The following GLIS2 variants were observed in gnomAD, a reference collection of about 807,000 sequenced individuals.
GLIS2 encodes GLIS family zinc finger 2.
A neutral mutation model predicts 35.6 loss-of-function variants in GLIS2; 14 were observed. That is an observed-to-expected ratio of 0.39 (90% CI 0.26 to 0.61). The LOEUF is 0.61. Among genes scored for constraint, GLIS2 ranks in the 20% least tolerant of loss-of-function variants. GLIS2 has a pLI of 0.48. For missense variants in GLIS2, 675 were observed against 713.4 expected (o/e 0.95, Z 0.61); for synonymous variants, 368 against 325.1 (o/e 1.13, Z -1.42).
chr16:4,327,234 CTAT>C (rs1410661760), intron 1 of GLIS2, among the ~76,000 whole-genome samples: 2 of 152,222 alleles, frequency 1.3e-5, no homozygotes, highest in Non-Finnish European at 2.9e-5. Context: ...AACCAGCTCC[CTAT>C]TAGCCTAGTG....
Position 4,336,867 on chromosome 16 carries a change from C to G in GLIS2, c.918C>G (p.Asp306Glu), listed in dbSNP as rs2053557322. The change falls in exon 7 of 7, where the codon GAC becomes GAG. Residue 306 changes from aspartate to glutamate, a missense_variant. Physicochemically the swap from Asp to Glu is conservative, Grantham distance 45 (BLOSUM62 2). Transcript: ENST00000433375. ...KMPGCHKRYT[D>E]PSSLRKHIKA... ...CCGGCTGCCACAAGCGCTACACGGACCCCAGCTCACTGCGCAAGCACATCA... is the reference window on the plus strand; with the variant it reads ...CCGGCTGCCACAAGCGCTACACGGAGCCCAGCTCACTGCGCAAGCACATCA... 1.2e-6 allele frequency: 2 copies of G among 1,613,298 alleles called. No homozygotes were observed. The highest frequency in any genetic ancestry group is 1.7e-6 in the Non-Finnish European group (2 of 1,180,036).
At chr16:4,327,184 G>A (rs1555463776) in intron 1 of GLIS2, among the ~76,000 whole-genome samples, 2 of 152,194 alleles carry the variant, frequency 1.3e-5, no homozygotes, top group Non-Finnish European at 2.9e-5. Flanking sequence ...GTCAGCCACC[G>A]CGCCTGGCCT....
intron 1 of GLIS2, among the ~76,000 whole-genome samples, chr16:4,317,565 C>A (rs993142508): frequency 6.6e-6 from 1 of 152,180 alleles, no homozygotes; most frequent in Non-Finnish European, 1.5e-5. Flanking sequence ...CCAGGCCCAG[C>A]CCACACACCC....
At position 4,336,710 on chromosome 16, in the gene GLIS2, T is replaced by C. The variant is rs770233527; in HGVS notation, c.776-15T>C. The C allele has an allele frequency of 6.3e-7, 1 of 1,584,362 alleles. No individual in the cohort carries two copies. Among genetic ancestry groups the C allele is most frequent in the South Asian group, 1.1e-5 (1 of 87,714 alleles). On this transcript the variant is annotated splice_polypyrimidine_tract_variant and intron_variant, in intron 6 of 6. Coordinates refer to ENST00000433375, the MANE Select transcript of GLIS2 (RefSeq NM_032575.3). ...GAGACCCCTCATGGCGGCACTGCAC[T>C]GCACCACCCTGCAGGTGAGAAGCCC...
chr16:4,321,728 A>G (rs1211879919), intron 1 of GLIS2, among the ~76,000 whole-genome samples: 2 of 152,070 alleles, frequency 1.3e-5, no homozygotes, highest in Non-Finnish European at 2.9e-5. Context: ...CAGTAGCCAC[A>G]GCGGGTTTGG....
chr16:4,337,322 T>G lies in GLIS2; in HGVS notation c.1373T>G (p.Met458Arg). The G allele has an allele frequency of 6.3e-7, 1 of 1,576,784 alleles. No homozygotes were observed. The highest frequency in any genetic ancestry group is 8.6e-7 in the Non-Finnish European group (1 of 1,162,976). The part of the protein sequence containing the change: ...RGSVPTRALG[M>R]EGHKTPLERT... ...TCGGTGCCCACCAGGGCCCTGGGCA[T>G]GGAGGGCCACAAGACGCCCCTTGAA... The change falls in exon 7 of 7, where the codon ATG becomes AGG. Residue 458 changes from methionine (M) to arginine (R), a missense_variant. Around this residue, in one of 3 missense-constraint regions of GLIS2, gnomAD observed 317 missense variants for 283.2 expected, o/e 1.12. Transcript: ENST00000433375.
intron 1 of GLIS2, among the ~76,000 whole-genome samples, chr16:4,328,698 T>C (rs1243667150): frequency 6.6e-6 from 1 of 152,148 alleles, no homozygotes; most frequent in African/African-American, 2.4e-5. Flanking sequence ...CTGGACCTGC[T>C]GATGAAGGGG....
chr16:4,317,685 C>T (rs1434711458), intron 1 of GLIS2, among the ~76,000 whole-genome samples: 2 of 151,950 alleles, frequency 1.3e-5, no homozygotes, highest in African/African-American at 2.4e-5. Context: ...ACCTGGGAGG[C>T]CCCTCCCAGG....
At chr16:4,322,910 G>A (rs957112142) in intron 1 of GLIS2, among the ~76,000 whole-genome samples, 7 of 152,224 alleles carry the variant, frequency 4.6e-5, no homozygotes, top group Non-Finnish European at 7.3e-5. Context: ...CTGCAGCCAG[G>A]CGTGGCTTGG....
At position 4,320,374 on chromosome 16, in the gene GLIS2, G is replaced by A. The variant is rs577439503; in HGVS notation, c.-67+4120G>A. On this transcript the variant is annotated intron_variant, in intron 1 of 6. Transcript: ENST00000433375. This position sits in a 1 kb window ranked among gnomAD's most constrained non-coding sequence, Gnocchi z 5.6. ...GCTGGCACAGCACGCTCCCAGGGCA[G>A]CCTCGCTTGGACCCTGGTAGTCAAG... Among the ~76,000 whole-genome samples, 1 of 152,290 alleles carries A rather than the reference G, an allele frequency of 6.6e-6. No individual in the cohort carries two copies. Among genetic ancestry groups the A allele is most frequent in the South Asian group, 2.1e-4 (1 of 4,830 alleles).
Position 4,337,707 on chromosome 16 carries a change from C to G in GLIS2, c.*183C>G. ...GGCCTCCCAGCCCCCGGGTGGGGAC[C>G]TGGCCTGTCATGCAGGGAGAGCTGT... On this transcript the variant is annotated 3_prime_UTR_variant, in exon 7 of 7. Coordinates refer to ENST00000433375, the MANE Select transcript of GLIS2 (RefSeq NM_032575.3). The G allele has an allele frequency of 1.2e-6, 1 of 828,736 alleles. No individual in the cohort carries two copies. The highest frequency in any genetic ancestry group is 1.9e-6 in the Non-Finnish European group (1 of 518,968). The allele number at this position is 828,736 out of a possible 1,614,324, so 51.3% of individuals were successfully genotyped here.
chr16:4,319,217 T>C (rs537344699), intron 1 of GLIS2, among the ~76,000 whole-genome samples: 1 of 152,266 alleles, frequency 6.6e-6, no homozygotes, highest in East Asian at 1.9e-4. Flanking sequence ...ATTGTTACTT[T>C]ATTTCACAGC....
intron 1 of GLIS2, among the ~76,000 whole-genome samples, chr16:4,316,752 G>T (rs749449129): frequency 3.3e-5 from 5 of 152,154 alleles, no homozygotes; most frequent in African/African-American, 1.2e-4. Flanking sequence ...CGCAAGCCCG[G>T]GTCCTTCCTT....
Position 4,333,528 on chromosome 16 carries a change from G to T in GLIS2, c.345+9G>T. 6.2e-7 allele frequency: 1 copy of T among 1,606,038 alleles called. No individual in the cohort carries two copies. Among genetic ancestry groups the T allele is most frequent in the South Asian group, 1.1e-5 (1 of 90,876 alleles). ...CAGTGCCCAGTGCCTCGGTAAGGAG[G>T]GGTGAGAGTTCCGGAGAGAGGGGTG... On this transcript the variant is annotated intron_variant, in intron 3 of 6. Coordinates refer to ENST00000433375, the MANE Select transcript of GLIS2 (RefSeq NM_032575.3).
Position 4,336,900 on chromosome 16 carries a change from T to A in GLIS2, c.951T>A (p.His317Gln). ...CACTGCGCAAGCACATCAAGGCCCA[T>A]GGCCACTTTGTGTCCCACGAGCAGC... ...PSSLRKHIKA[H>Q]GHFVSHEQQE... Residue 317 changes from histidine (H) to glutamine (Q), a missense_variant, in exon 7 of 7, where the codon CAT (histidine) becomes CAA (glutamine). Physicochemically the swap from His to Gln is conservative, Grantham distance 24 (BLOSUM62 0). This residue lies in a region of GLIS2 where 317 missense variants were observed against 283.2 expected (regional missense o/e 1.12). Transcript: ENST00000433375. The A allele has an allele frequency of 1.2e-6, 2 of 1,613,180 alleles. No homozygotes were observed. The highest frequency in any genetic ancestry group is 1.7e-6 in the Non-Finnish European group (2 of 1,180,010).
intron 1 of GLIS2, among the ~76,000 whole-genome samples, chr16:4,323,758 C>A (rs2053402149): frequency 6.6e-6 from 1 of 152,208 alleles, no homozygotes; most frequent in African/African-American, 2.4e-5. Context: ...AGTTGCTGTG[C>A]AGGGAACCCC....
Position 4,333,306 on chromosome 16 carries a change from C to G in GLIS2, c.173-41C>G, listed in dbSNP as rs779030190. On this transcript the variant is annotated intron_variant, in intron 2 of 6. Transcript: ENST00000433375. ...GGCAGGAGTACCTGGCCCACTGGGA[C>G]TCTACACTCCAGCACACCCTGAACT... 5.6e-6 allele frequency: 9 copies of G among 1,610,454 alleles called. No individual in the cohort carries two copies. The South Asian group carries it at 6.6e-5, about 12-fold the overall frequency.
intron 1 of GLIS2, among the ~76,000 whole-genome samples, chr16:4,317,180 G>A (rs1479229593): frequency 1.3e-5 from 2 of 152,178 alleles, no homozygotes; most frequent in African/African-American, 4.8e-5. Context: ...CTGGGGCCTG[G>A]GAAGCTGGAA....
intron 1 of GLIS2, among the ~76,000 whole-genome samples, chr16:4,329,977 G>A (rs923147916): frequency 1.3e-5 from 2 of 152,190 alleles, no homozygotes; most frequent in African/African-American, 4.8e-5. Flanking sequence ...TCATTTGCAT[G>A]TGAGGAAAAT....
Sources: gnomAD v4.1 joint callset for allele counts (sites outside exome capture counted in the v4.1 genomes callset) on GRCh38, gnomAD v4.1.1 for gene constraint, gnomAD v4.1.1 regional missense constraint, Gnocchi (gnomAD v3.1) non-coding constraint, MANE v1.5 for transcripts, NCBI Gene and HGNC (gene_info 2026-07-23, HGNC 2026-07-21) for gene names.